The following ITIH1 variants were observed in gnomAD, a reference collection of about 807,000 sequenced individuals.
The protein encoded by ITIH1 is inter-alpha-trypsin inhibitor heavy chain 1, also known as inter-alpha-trypsin inhibitor heavy chain H1.
ITIH1 carries 94 observed loss-of-function variants against 104.6 expected under a neutral mutation model. The ratio of observed to expected loss-of-function variants is 0.90; its 90% CI spans 0.76 to 1.07. The LOEUF (loss-of-function observed/expected upper bound fraction) is 1.07. Ranked by LOEUF, ITIH1 falls within the 50% of genes least tolerant of loss-of-function variation. ITIH1 has a pLI of 0.00. For synonymous variants in ITIH1, 455 were observed against 464.4 expected (o/e 0.98, Z 0.26); for missense variants, 1,193 against 1,181.4 (o/e 1.01, Z -0.14).
chr3:52,781,101 G>GGGA (rs2154108232), intron 6 of ITIH1, among the ~76,000 whole-genome samples: 1 of 152,282 alleles, frequency 6.6e-6, no homozygotes, highest in East Asian at 1.9e-4. Context: ...GGGGAACAAA[G>GGGA]GGATGGGTCC....
Position 52,779,059 on chromosome 3 carries a change from C to A in ITIH1, c.410+13C>A. ...CCGGCCTTGTCAGGTGAGTTCTGGG[C>A]CTGCTGGTCTCATCTCTAGGGCTGC... On this transcript the variant is annotated intron_variant, in intron 4 of 21. Transcript: ENST00000273283. The surrounding 1 kb of genome is among the most constrained non-coding windows in gnomAD (Gnocchi z 4.4). 7 of 1,571,960 alleles carry A rather than the reference C, an allele frequency of 4.5e-6. No homozygotes were observed. The highest frequency in any genetic ancestry group is 6.1e-6 in the Non-Finnish European group (7 of 1,141,502).
Position 52,783,218 on chromosome 3 carries a change from A to G in ITIH1, c.1104A>G (p.Thr368=), listed in dbSNP as rs1025515929. Residue 368 remains threonine (T), a synonymous_variant, in exon 10 of 22, where the codon ACA becomes ACG. Transcript: ENST00000273283. ...TCTGCTTTCTCTTCCTTGCAGCCAC[A>G]AACCTGAATGGAGGTTTGCTCCGGG... ...FVRGFSLDEA[T]NLNGGLLRGI... 9.9e-6 allele frequency: 16 copies of G among 1,614,002 alleles called. No homozygotes were observed. Among genetic ancestry groups the G allele is most frequent in the African/African-American group, 1.3e-5 (1 of 74,902 alleles).
rs35394357 is a variant in ITIH1, at chr3:52,779,504, G to A, written c.483G>A (p.Gln161=). 3,578 of 1,614,228 alleles carry A rather than the reference G, an allele frequency of 2.2e-3. 51 individuals carry two copies. The African/African-American group carries it at 0.039, about 17-fold the overall frequency. The change falls in exon 5 of 22, where the codon CAG becomes CAA. Residue 161 remains glutamine (Q), a synonymous_variant. Coordinates refer to ENST00000273283, the MANE Select transcript of ITIH1 (RefSeq NM_002215.4). The surrounding 1 kb of genome is among the most constrained non-coding windows in gnomAD (Gnocchi z 4.4). ...ATCCCCAGAGCAAGGTCACGTTTCA[G>A]CTGACTTATGAGGAAGTGCTGAAGA... ...TVNPQSKVTF[Q]LTYEEVLKRN... is the part of the protein sequence containing the mutation.
chr3:52,778,261 C>A, intron 2 of ITIH1, 79 bp from the exon 3 acceptor site: 1 of 1,451,980 alleles, frequency 6.9e-7, no homozygotes, highest in Non-Finnish European at 9.6e-7. Context: ...GGGCTAAGTG[C>A]CAAGTCCCCG....
At chr3:52,786,109 C>A (rs532286974) in intron 12 of ITIH1, among the ~76,000 whole-genome samples, 186 bp from the exon 13 acceptor site, 2 of 152,192 alleles carry the variant, frequency 1.3e-5, no homozygotes, top group Non-Finnish European at 2.9e-5. Flanking sequence ...CCAGGCCAAG[C>A]CTGGCTTGCA....
At position 52,789,814 on chromosome 3, in the gene ITIH1, G is replaced by GTGTTTTCC. The variant is rs1699303974; in HGVS notation, c.2284_2291dup (p.Trp764CysfsTer17). 1 of 1,614,248 alleles carries GTGTTTTCC rather than the reference G, an allele frequency of 6.2e-7. No homozygotes were observed. Among genetic ancestry groups the GTGTTTTCC allele is most frequent in the South Asian group, 1.1e-5 (1 of 91,088 alleles). ...GCTGAACCCCGGCTTTGGTGGGCCT[G>GTGTTTTCC]TGTTTTCCTGGAGGGACCAAGCTGT... On this transcript the variant is annotated frameshift_variant, in exon 19 of 22. Transcript: ENST00000273283. LOFTEE classifies it high-confidence loss of function.
At position 52,782,057 on chromosome 3, in the gene ITIH1, G is replaced by T; in HGVS notation, c.805G>T (p.Asp269Tyr). 6.2e-7 allele frequency: 1 copy of T among 1,614,128 alleles called. No homozygotes were observed. Among genetic ancestry groups the T allele is most frequent in the South Asian group, 1.1e-5 (1 of 91,062 alleles). Residue 269 changes from aspartate (D) to tyrosine (Y), a missense_variant, in exon 7 of 22, where the codon GAC (aspartate) becomes TAC (tyrosine). By Grantham distance (160) the Asp-to-Tyr change is radical. Coordinates refer to ENST00000273283, the MANE Select transcript of ITIH1 (RefSeq NM_002215.4). ...TYDVSRDKIC[D>Y]LLVANNHFAH... The stretch of plus-strand genomic sequence containing the variant: ...CGATGTCAGTCGAGACAAGATCTGC[G>T]ACCTCCTGGTGAGCCCTGAGCTTCT...
chr3:52,778,653 A>G, intron 3 of ITIH1, 147 bp downstream of exon 3: 10 of 1,468,906 alleles, frequency 6.8e-6, no homozygotes, highest in Non-Finnish European at 9.0e-6. Flanking sequence ...TGAGGGGAGG[A>G]AGAAGCCCTT....
chr3:52,781,586 C>A (rs1699060754), intron 6 of ITIH1, among the ~76,000 whole-genome samples: 1 of 152,124 alleles, frequency 6.6e-6, no homozygotes, highest in African/African-American at 2.4e-5. Context: ...TCAACCTGGG[C>A]AGCTTTTATT....
chr3:52,779,012 G>A lies in ITIH1; in HGVS notation c.376G>A (p.Ala126Thr), dbSNP rs1278474556. ...KVTAWKQYRK[A>T]AISGENAGLV... ...GACTGCATGGAAGCAGTACCGGAAA[G>A]CAGCTATCTCAGGAGAGAATGCCGG... Residue 126 changes from alanine (A) to threonine (T), a missense_variant, in exon 4 of 22, where the codon GCA becomes ACA. Physicochemically the swap from Ala to Thr is moderately conservative, Grantham distance 58 (BLOSUM62 0). Transcript: ENST00000273283. The surrounding 1 kb of genome is among the most constrained non-coding windows in gnomAD (Gnocchi z 4.4). 2 of 1,614,056 alleles carry A rather than the reference G, an allele frequency of 1.2e-6. No individual in the cohort carries two copies. The highest frequency in any genetic ancestry group is 1.1e-5 in the South Asian group (1 of 91,082).
chr3:52,786,358 G>A lies in ITIH1; in HGVS notation c.1657G>A (p.Glu553Lys). 3 of 1,579,214 alleles carry A rather than the reference G, an allele frequency of 1.9e-6. No individual in the cohort carries two copies. The highest frequency in any genetic ancestry group is 2.6e-6 in the Non-Finnish European group (3 of 1,161,836). ...GGAGGAGATGAAGAAACTGCTCCGA[G>A]AGCGTGGCCACATGCTGGAGAACCA... ...DEEEMKKLLR[E>K]RGHMLENHVE... Residue 553 changes from glutamate (E) to lysine (K), a missense_variant, in exon 13 of 22, where the codon GAG (glutamate) becomes AAG (lysine). By Grantham distance (56) the Glu-to-Lys change is moderately conservative. Transcript: ENST00000273283.
rs1699112069 is a variant in ITIH1, at chr3:52,783,325, G to A, written c.1211G>A (p.Gly404Asp). The change falls in exon 10 of 22, where the codon GGC becomes GAC. Residue 404 changes from glycine (G) to aspartate (D), a missense_variant. Transcript: ENST00000273283. Reference protein sequence around the residue: ...HASILIMLTDGDPTEGVTDRS... With the variant: ...HASILIMLTDDDPTEGVTDRS... ...TCAATACTCATCATGTTGACAGATG[G>A]CGATCCCACAGAGGGTAAGCACCTT... The A allele has an allele frequency of 6.2e-7, 1 of 1,613,982 alleles. No individual in the cohort carries two copies. The highest frequency in any genetic ancestry group is 8.5e-7 in the Non-Finnish European group (1 of 1,180,020).
chr3:52,780,387 A>G lies in ITIH1; in HGVS notation c.687+5A>G. 6.2e-7 allele frequency: 1 copy of G among 1,603,196 alleles called. No individual in the cohort carries two copies. Among genetic ancestry groups the G allele is most frequent in the East Asian group, 2.2e-5 (1 of 44,814 alleles). On this transcript the variant is annotated splice_donor_5th_base_variant and intron_variant, in intron 6 of 21. Coordinates refer to ENST00000273283, the MANE Select transcript of ITIH1 (RefSeq NM_002215.4). ...AAGTCCTTCTCAGGAAAAAAGGTAC[A>G]TGGGATAGCAAGGGGGTGGTGGTGG... is the stretch of plus-strand genomic sequence containing the variant.
At chr3:52,780,442 C>T in intron 6 of ITIH1, 60 bp downstream of exon 6, 2 of 1,175,256 alleles carry the variant, frequency 1.7e-6, no homozygotes, top group South Asian at 1.3e-5. Flanking sequence ...GCCTGCCCAC[C>T]CCTTATGGAA....
intron 19 of ITIH1, chr3:52,790,348 G>A (rs1299397574): frequency 7.2e-6 from 2 of 279,068 alleles, no homozygotes; most frequent in Admixed American, 5.1e-5. Context: ...AGGAAGAGGT[G>A]GGGAGAGTCT....
chr3:52,787,350 C>A, intron 15 of ITIH1, 148 bp downstream of exon 15: 1 of 1,243,172 alleles, frequency 8.0e-7, no homozygotes, highest in Non-Finnish European at 1.2e-6. Flanking sequence ...CCGCCCTTCT[C>A]CACATCACCG....
chr3:52,788,167 C>A, intron 17 of ITIH1, 65 bp from the exon 18 acceptor site: 1 of 1,521,582 alleles, frequency 6.6e-7, no homozygotes, highest in Non-Finnish European at 9.1e-7. Flanking sequence ...CTAGCTGAAC[C>A]CCAACCCCTG....
rs183846667 is a variant in ITIH1, at chr3:52,779,941, G to C, written c.574-328G>C. 6.6e-5 allele frequency: 91 copies of C among 1,379,734 alleles called. No individual in the cohort carries two copies. The Middle Eastern group carries it at 1.4e-3, about 21-fold the overall frequency. The allele number at this position is 1,379,734 out of a possible 1,614,324, so 85.5% of individuals were successfully genotyped here. On this transcript the variant is annotated intron_variant, in intron 5 of 21. Transcript: ENST00000273283. The surrounding 1 kb of genome is among the most constrained non-coding windows in gnomAD (Gnocchi z 4.4). ...GCCTGGAATTATTGCTGGCACCTAA[G>C]TGGTGGCTGAGTTGAGGGATGCAGG... is the stretch of plus-strand genomic sequence containing the variant.
rs370500257 is a variant in ITIH1 at position 52,778,522 on chromosome 3, A to G, written c.305+16A>G. 36 of 1,613,436 alleles carry G rather than the reference A, an allele frequency of 2.2e-5. No homozygotes were observed. The African/African-American group carries it at 4.3e-4, about 19-fold the overall frequency. On this transcript the variant is annotated intron_variant, in intron 3 of 21. Transcript: ENST00000273283. ...ACTTTGCCGTGTGCGTGCCTGCCCA[A>G]CTCCCATGCCTTCTCCCAGGGGTGC...
Sources: gnomAD v4.1 joint callset for allele counts (sites outside exome capture counted in the v4.1 genomes callset) on GRCh38, gnomAD v4.1.1 for gene constraint, Gnocchi (gnomAD v3.1) non-coding constraint, MANE v1.5 for transcripts, NCBI Gene and HGNC (gene_info 2026-07-23, HGNC 2026-07-21) for gene names.